PCDH15: variants seen among roughly 807,000 people sequenced by gnomAD.
PCDH15 encodes the protein protocadherin related 15.
PCDH15 carries 129 observed loss-of-function variants against 178.5 expected under a neutral mutation model. The ratio of observed to expected loss-of-function variants is 0.72; its 90% CI spans 0.63 to 0.84. The LOEUF (loss-of-function observed/expected upper bound fraction) is 0.84. Among genes scored for constraint, PCDH15 ranks in the 40% least tolerant of loss-of-function variants. The pLI is 0.00. For missense variants in PCDH15, 2,230 were observed against 2,099.9 expected (o/e 1.06, Z -1.21); for synonymous variants, 800 against 732.0 (o/e 1.09, Z -1.50).
intron 2 of PCDH15, chr10:54,599,833 C>T: frequency 1.6e-6 from 1 of 621,240 alleles, no homozygotes. Flanking sequence ...GGAAGGTGAG[C>T]AGAAAGAAGG....
chr10:53,894,886 G>A (rs1442134246), intron 26 of PCDH15, among the ~76,000 whole-genome samples: 1 of 152,152 alleles, frequency 6.6e-6, no homozygotes, highest in Non-Finnish European at 1.5e-5. Flanking sequence ...ACTAAATCCA[G>A]GTGATTAGAA....
intron 21 of PCDH15, among the ~76,000 whole-genome samples, chr10:53,972,859 C>G (rs921611311): frequency 1.3e-5 from 2 of 152,138 alleles, no homozygotes; most frequent in African/African-American, 4.8e-5. Flanking sequence ...TAAACTAGTT[C>G]AACCATTGTG....
intron 2 of PCDH15, among the ~76,000 whole-genome samples, chr10:55,520,505 G>A (rs1293460586): frequency 2.2e-5 from 3 of 135,370 alleles, no homozygotes; most frequent in Non-Finnish European, 3.2e-5. Flanking sequence ...GTGTGTGTGT[G>A]TATATGTGTG....
intron 3 of PCDH15, among the ~76,000 whole-genome samples, chr10:54,492,497 CCTTTATT>C (rs2079693797): frequency 6.6e-6 from 1 of 152,154 alleles, no homozygotes. Flanking sequence ...CAGTAGTTCT[CCTTTATT>C]CAAGTGCTTG....
At chr10:54,844,664 C>A (rs983476534) in intron 3 of PCDH15, among the ~76,000 whole-genome samples, 3 of 151,682 alleles carry the variant, frequency 2.0e-5, no homozygotes, top group African/African-American at 7.3e-5. Flanking sequence ...AAATATGTAT[C>A]CACATGCAGC....
intron 20 of PCDH15, among the ~76,000 whole-genome samples, chr10:53,998,524 A>G (rs1001251387): frequency 6.6e-6 from 1 of 152,178 alleles, no homozygotes; most frequent in African/African-American, 2.4e-5. Context: ...CAGACTACCA[A>G]GAAGATGTAA....
intron 3 of PCDH15, among the ~76,000 whole-genome samples, chr10:54,849,698 T>C (rs752089692): frequency 3.3e-5 from 5 of 152,172 alleles, no homozygotes; most frequent in Admixed American, 1.3e-4. Flanking sequence ...CAAATAATTG[T>C]GGTTTTTGCC....
At chr10:55,394,510 C>T (rs1489729301) in intron 2 of PCDH15, among the ~76,000 whole-genome samples, 4 of 151,868 alleles carry the variant, frequency 2.6e-5, no homozygotes, top group Non-Finnish European at 5.9e-5. Context: ...TTAAAGCGCA[C>T]CCTGCCCCAG....
intron 2 of PCDH15, among the ~76,000 whole-genome samples, chr10:54,939,217 G>A (rs557740307): frequency 1.3e-5 from 2 of 151,920 alleles, no homozygotes; most frequent in South Asian, 2.1e-4. Context: ...GATGTAGGCC[G>A]GGCGTGGTGG....
In PCDH15 at chr10:55,106,051, C is replaced by A. The variant is rs369626125; in HGVS notation, c.-80+60525G>T. 1.9e-4 allele frequency among the ~76,000 whole-genome samples: 28 copies of A among 150,550 alleles called. No individual in the cohort carries two copies. In the East Asian group the frequency reaches 4.5e-3, roughly 24 times the overall value. On this transcript the variant is annotated intron_variant, in intron 2 of 5. Coordinates refer to the PCDH15 transcript ENST00000458638. Reference sequence around the variant, plus strand: ...TAAGTTTTTTTTTTTTTGGTTGTTACAACTTTTCTGTTTTAATCAGTGTGT... The same window carrying A: ...TAAGTTTTTTTTTTTTTGGTTGTTAAAACTTTTCTGTTTTAATCAGTGTGT...
At chr10:54,243,327 T>A (rs1451373410) in intron 8 of PCDH15, among the ~76,000 whole-genome samples, 1 of 152,034 alleles carries the variant, frequency 6.6e-6, no homozygotes, top group Non-Finnish European at 1.5e-5. Context: ...GCTAACACGG[T>A]GAAACCCCTT....
intron 1 of PCDH15, among the ~76,000 whole-genome samples, chr10:55,172,522 T>G (rs565460497): frequency 6.6e-6 from 1 of 152,140 alleles, no homozygotes; most frequent in African/African-American, 2.4e-5. Flanking sequence ...GAATGGCCAC[T>G]TCAGAGCATT....
At chr10:54,695,168 A>C (rs1197213535) in intron 1 of PCDH15, among the ~76,000 whole-genome samples, 3 of 152,198 alleles carry the variant, frequency 2.0e-5, no homozygotes, top group African/African-American at 7.2e-5. Context: ...ATACATATGT[A>C]ACAAACCTGC....
intron 2 of PCDH15, among the ~76,000 whole-genome samples, chr10:55,157,555 C>G (rs1838923727): frequency 6.7e-6 from 1 of 150,122 alleles, no homozygotes; most frequent in African/African-American, 2.5e-5. Context: ...GGAACCAACC[C>G]AAATGTCCAA....
At chr10:55,102,973 G>A (rs1279559509) in intron 2 of PCDH15, among the ~76,000 whole-genome samples, 2 of 152,144 alleles carry the variant, frequency 1.3e-5, no homozygotes. Flanking sequence ...TGCTGAGGAG[G>A]AGGAAGAGGA....
At chr10:54,088,239 G>T (rs1328463498) in intron 16 of PCDH15, among the ~76,000 whole-genome samples, 1 of 152,076 alleles carries the variant, frequency 6.6e-6, no homozygotes, top group Non-Finnish European at 1.5e-5. Flanking sequence ...TATCACTACA[G>T]ACACAAAGTA....
At chr10:55,448,439 G>A (rs549299087) in intron 2 of PCDH15, among the ~76,000 whole-genome samples, 41 of 151,956 alleles carry the variant, frequency 2.7e-4, no homozygotes, top group Non-Finnish European at 4.7e-4. Context: ...GTTACAGGAT[G>A]AGTTTATACC....
At chr10:54,691,833 A>G (rs2095126680) in intron 1 of PCDH15, among the ~76,000 whole-genome samples, 1 of 152,130 alleles carries the variant, frequency 6.6e-6, no homozygotes, top group South Asian at 2.1e-4. Flanking sequence ...TAACACACTC[A>G]TAAATTTAGC....
chr10:55,615,335 T>C (rs1177404633), intron 2 of PCDH15, among the ~76,000 whole-genome samples: 2 of 152,206 alleles, frequency 1.3e-5, no homozygotes, highest in African/African-American at 2.4e-5. Flanking sequence ...AAAAATCACT[T>C]ACTCATTGGA....
Sources: allele counts gnomAD v4.1 joint callset (sites outside exome capture counted in the v4.1 genomes callset), GRCh38; gene constraint gnomAD v4.1.1; transcripts MANE v1.5; gene names NCBI Gene and HGNC (gene_info 2026-07-23, HGNC 2026-07-21).